MEGF11: variants seen among roughly 807,000 people sequenced by gnomAD.
The protein encoded by MEGF11 is multiple EGF like domains 11.
A neutral mutation model predicts 146.6 loss-of-function variants in MEGF11; 126 were observed. The observed-to-expected ratio is 0.86, with a 90% confidence interval of 0.74 to 1.00. The LOEUF is 1.00. Among genes scored for constraint, MEGF11 ranks in the 50% least tolerant of loss-of-function variants. The pLI, the probability that MEGF11 is intolerant of heterozygous loss-of-function variation, is 0.00. For missense variants in MEGF11, 1,509 were observed against 1,521.2 expected (o/e 0.99, Z 0.13); for synonymous variants, 532 against 583.4 (o/e 0.91, Z 1.27).
intron 4 of MEGF11, among the ~76,000 whole-genome samples, chr15:66,099,251 C>T (rs1404006689): frequency 3.8e-5 from 5 of 132,088 alleles, no homozygotes; most frequent in Admixed American, 8.9e-5. Flanking sequence ...GGTGCAATCT[C>T]GGCTCACTGC....
At chr15:66,208,341 C>T (rs977978157) in intron 1 of MEGF11, among the ~76,000 whole-genome samples, 2 of 151,510 alleles carry the variant, frequency 1.3e-5, no homozygotes, top group Non-Finnish European at 2.9e-5. Flanking sequence ...ATTTAAAAGG[C>T]TATGCAAAGA....
At chr15:65,927,466 A>G (rs1293284047) in intron 13 of MEGF11, among the ~76,000 whole-genome samples, 1 of 152,234 alleles carries the variant, frequency 6.6e-6, no homozygotes, top group Non-Finnish European at 1.5e-5. Flanking sequence ...GGCAGATAAT[A>G]AACAGTTACC....
intron 5 of MEGF11, among the ~76,000 whole-genome samples, chr15:66,017,838 G>C (rs2082947043): frequency 3.9e-5 from 6 of 152,212 alleles, no homozygotes; most frequent in African/African-American, 1.4e-4. Flanking sequence ...GATTTGTCAG[G>C]CAGCCTGTAG....
chr15:65,934,909 A>G (rs151167806), intron 10 of MEGF11, among the ~76,000 whole-genome samples: 96 of 152,236 alleles, frequency 6.3e-4, no homozygotes, highest in African/African-American at 2.1e-3. Context: ...TATCCTTTGT[A>G]ATATCCTTTA....
At chr15:66,066,111 G>T (rs1360247982) in intron 5 of MEGF11, among the ~76,000 whole-genome samples, 1 of 152,194 alleles carries the variant, frequency 6.6e-6, no homozygotes, top group Non-Finnish European at 1.5e-5. Flanking sequence ...TGTGGGTTTG[G>T]CCTCCCTAAG....
intron 5 of MEGF11, among the ~76,000 whole-genome samples, chr15:66,084,066 G>A (rs1222490172): frequency 6.6e-6 from 1 of 152,168 alleles, no homozygotes; most frequent in Non-Finnish European, 1.5e-5. Flanking sequence ...AGGTGACTTT[G>A]TTGTTGTGCA....
chr15:66,062,091 A>G (rs2084929793), intron 5 of MEGF11, among the ~76,000 whole-genome samples: 2 of 152,200 alleles, frequency 1.3e-5, no homozygotes, highest in South Asian at 4.1e-4. Context: ...TGATCTGGGA[A>G]GGCCTCTCTG....
intron 5 of MEGF11, among the ~76,000 whole-genome samples, chr15:66,001,968 G>A (rs1469163671): frequency 6.6e-6 from 1 of 152,180 alleles, no homozygotes; most frequent in Non-Finnish European, 1.5e-5. Context: ...GGGCTGGCAG[G>A]GGGATGGGGG....
Position 65,982,291 on chromosome 15 carries a change from CGCAGCTGGCACCGTGTCGGCACTGGCACG to C in MEGF11, c.563_591del (p.Pro188ArgfsTer32), listed in dbSNP as rs1435514012. 11 of 1,539,992 alleles carry C rather than the reference CGCAGCTGGCACCGTGTCGGCACTGGCACG, an allele frequency of 7.1e-6. No homozygotes were observed. Among genetic ancestry groups the C allele is most frequent in the Non-Finnish European group, 7.9e-6 (9 of 1,145,564 alleles). On this transcript the variant is annotated frameshift_variant, in exon 6 of 26. Transcript: ENST00000395614. LOFTEE classifies it high-confidence loss of function. The surrounding 1 kb of genome is among the most constrained non-coding windows in gnomAD (Gnocchi z 5.6). ...CAGAGGCACTCGCCGGCGCGGGGGT[CGCAGCTGGCACCGTGTCGGCACTGGCACG>C]GCAGCTGGCATCCCTTGCCGTGGGT...
chr15:65,922,947 A>C lies in MEGF11; in HGVS notation c.1698T>G (p.Cys566Trp), dbSNP rs2079228135. ...AGTTGGGGCCCCAGCGGCCAGGTGG[A>C]CACGTGCTGTCACAGCGGATGCCTG... ...GWTGIRCDSTCPPGRWGPNCS... is the reference protein window; with the variant it reads ...GWTGIRCDSTWPPGRWGPNCS... The change falls in exon 14 of 26, where the codon TGT (cysteine) becomes TGG (tryptophan). Residue 566 changes from cysteine (C) to tryptophan (W), a missense_variant. Physicochemically the swap from Cys to Trp is radical, Grantham distance 215 (BLOSUM62 -2). Coordinates refer to ENST00000395614, the MANE Select transcript of MEGF11 (RefSeq NM_001385028.1). 3.7e-6 allele frequency: 6 copies of C among 1,613,122 alleles called. No homozygotes were observed. The highest frequency in any genetic ancestry group is 5.1e-6 in the Non-Finnish European group (6 of 1,179,706).
At chr15:66,209,275 A>T (rs2091382193) in intron 1 of MEGF11, among the ~76,000 whole-genome samples, 1 of 152,052 alleles carries the variant, frequency 6.6e-6, no homozygotes, top group Non-Finnish European at 1.5e-5. Flanking sequence ...GCGTGAACCC[A>T]GGAGGCAGAG....
intron 10 of MEGF11, among the ~76,000 whole-genome samples, chr15:65,932,261 G>A (rs948134695): frequency 2.6e-5 from 4 of 152,098 alleles, no homozygotes; most frequent in African/African-American, 9.7e-5. Context: ...CCATCCACTG[G>A]GATGGGGGAA....
chr15:66,139,516 A>G (rs975284564), intron 1 of MEGF11, among the ~76,000 whole-genome samples: 5 of 152,144 alleles, frequency 3.3e-5, no homozygotes, highest in African/African-American at 1.2e-4. Flanking sequence ...CAAACATGCT[A>G]TAAATTAAAG....
chr15:66,119,513 AT>A (rs2140912734), intron 3 of MEGF11, among the ~76,000 whole-genome samples: 1 of 152,274 alleles, frequency 6.6e-6, no homozygotes, highest in African/African-American at 2.4e-5. Flanking sequence ...AAACACCCAG[AT>A]TCTGGGCTTG....
intron 5 of MEGF11, among the ~76,000 whole-genome samples, chr15:66,070,034 C>G (rs1425799294): frequency 6.6e-6 from 1 of 152,238 alleles, no homozygotes; most frequent in Non-Finnish European, 1.5e-5. Context: ...CTAGGCTCCT[C>G]TTTCCCTTTT....
chr15:66,043,814 C>T (rs1344665685), intron 5 of MEGF11, among the ~76,000 whole-genome samples: 4 of 152,228 alleles, frequency 2.6e-5, no homozygotes, highest in Non-Finnish European at 1.5e-5. Context: ...ATACCAGCCC[C>T]AGAGCGGGAA....
intron 1 of MEGF11, among the ~76,000 whole-genome samples, chr15:66,149,993 C>T (rs150250610): frequency 6.2e-4 from 95 of 152,364 alleles, no homozygotes; most frequent in African/African-American, 2.1e-3. Flanking sequence ...CTGGACCCCT[C>T]GAGCTGTCCG....
At chr15:66,186,850 A>C (rs946221121) in intron 1 of MEGF11, among the ~76,000 whole-genome samples, 3 of 152,260 alleles carry the variant, frequency 2.0e-5, no homozygotes, top group African/African-American at 7.2e-5. Flanking sequence ...AGAAAAGTCA[A>C]GAAACTTGCC....
chr15:66,143,875 C>T (rs1262788869), intron 1 of MEGF11, among the ~76,000 whole-genome samples: 10 of 152,126 alleles, frequency 6.6e-5, no homozygotes, highest in African/African-American at 1.7e-4. Flanking sequence ...ATGAGGACCC[C>T]GAGGTGGGAC....
Sources: gnomAD v4.1 joint callset for allele counts (sites outside exome capture counted in the v4.1 genomes callset) on GRCh38, gnomAD v4.1.1 for gene constraint, Gnocchi (gnomAD v3.1) non-coding constraint, MANE v1.5 for transcripts, NCBI Gene and HGNC (gene_info 2026-07-23, HGNC 2026-07-21) for gene names.